ENOSF1: variants seen among roughly 807,000 people sequenced by gnomAD.
ENOSF1 encodes mitochondrial enolase superfamily member 1.
A neutral mutation model predicts 68.2 loss-of-function variants in ENOSF1; 73 were observed. The ratio of observed to expected loss-of-function variants is 1.07; its 90% CI spans 0.89 to 1.30. The LOEUF (loss-of-function observed/expected upper bound fraction) is 1.30, where lower values mean the gene tolerates loss of function less well. ENOSF1 is among the 50% of genes most tolerant of loss of function. The probability of loss-of-function intolerance (pLI) is 0.00; values close to 1 mark genes in which losing one functional copy is unlikely to be tolerated. For synonymous variants in ENOSF1, 223 were observed against 210.4 expected, an observed-to-expected ratio of 1.06 and a Z score of -0.52; for missense variants, 589 against 554.5, an observed-to-expected ratio of 1.06 and a Z score of -0.62.
In ENOSF1 at chr18:673,345, A is replaced by C; in HGVS notation, c.*960T>G. 4.3e-6 allele frequency: 1 copy of C among 231,746 alleles called. No individual in the cohort carries two copies. Among genetic ancestry groups the C allele is most frequent in the South Asian group, 1.7e-4 (1 of 5,870 alleles). 14.4% of individuals were successfully genotyped at this position (231,746 alleles called of 1,614,324 possible). On this transcript the variant is annotated 3_prime_UTR_variant, in exon 16 of 16. Transcript: ENST00000647584. ...GTGAATTTCACAAGCTATTTTTGGA[A>C]TATTTTTAGAATATTTTAAGAATTT...
downstream of ENOSF1, chr18:667,804 G>A (rs2074887488): frequency 6.6e-6 from 1 of 152,144 alleles, no homozygotes; most frequent in African/African-American, 2.4e-5. Context: ...GTGTCCGTAG[G>A]ATGTGAGGCC....
In ENOSF1 at chr18:704,440, G is replaced by GAAAAAAAAAAA. The variant is rs11429267; in HGVS notation, c.193+2019_193+2029dup. Among the ~76,000 whole-genome samples the GAAAAAAAAAAA allele has an allele frequency of 7.3e-3, 711 of 97,048 alleles. 7 individuals carry two copies. Among genetic ancestry groups the GAAAAAAAAAAA allele is most frequent in the East Asian group, 0.015 (43 of 2,890 alleles). The allele number at this position is 97,048 out of a possible 152,430, so 63.7% of individuals were successfully genotyped here. A position where few individuals can be genotyped will look rare whatever the true frequency, so the allele number is the denominator to read the frequency against. On this transcript the variant is annotated intron_variant, in intron 2 of 15. Transcript: ENST00000647584. ...AAGACTCTTGTTTCCAAAAAGAAAA[G>GAAAAAAAAAAA]AAAAAAAAAAAAAAAAAGAACAGCC...
chr18:697,351 G>A lies in ENOSF1; in HGVS notation c.198C>T (p.Val66=). The A allele has an allele frequency of 6.2e-7, 1 of 1,609,616 alleles. No homozygotes were observed. The highest frequency in any genetic ancestry group is 8.5e-7 in the Non-Finnish European group (1 of 1,177,880). The part of the protein sequence containing the change: ...FTLGKGTEVV[V]CAVNALAHHV... ...GGTGGGCGAGGGCATTCACAGCACA[G>A]ACAACTATTTAAAAAGGATTGAACT... is the stretch of plus-strand genomic sequence containing the variant. Residue 66 remains valine, a synonymous_variant, in exon 3 of 16, where the codon GTC becomes GTT. Transcript: ENST00000647584.
chr18:702,447 C>T (rs1336541189), intron 2 of ENOSF1, among the ~76,000 whole-genome samples: 1 of 151,762 alleles, frequency 6.6e-6, no homozygotes, highest in Non-Finnish European at 1.5e-5. Flanking sequence ...TGGTGGCACA[C>T]ATCTGTAGTC....
rs767333382 is a variant in ENOSF1, at chr18:671,099, A to G, written c.*3206T>C. ...ACAGGTTGTTTGTGATACAGCTTCT[A>G]TGGATTTTCTCAAAAGCTATGCTGA... On this transcript the variant is annotated 3_prime_UTR_variant, in exon 16 of 16. Transcript: ENST00000647584. The G allele has an allele frequency of 5.7e-5, 36 of 626,386 alleles. No homozygotes were observed. The highest frequency in any genetic ancestry group is 9.1e-5 in the Non-Finnish European group (33 of 364,172). 38.8% of individuals were successfully genotyped at this position (626,386 alleles called of 1,614,324 possible).
chr18:668,259 G>A (rs555895769), downstream of ENOSF1, among the ~76,000 whole-genome samples: 19 of 151,796 alleles, frequency 1.3e-4, no homozygotes, highest in South Asian at 3.3e-3. Flanking sequence ...TACCTTTTTC[G>A]GAACAGTGAC....
At chr18:686,139 C>T in intron 9 of ENOSF1, 131 bp from the exon 10 acceptor site, 1 of 688,782 alleles carries the variant, frequency 1.5e-6, no homozygotes. Context: ...CTTGCTCTTT[C>T]CTCATCTTCA....
chr18:710,871 G>A (rs2079449518), intron 1 of ENOSF1, among the ~76,000 whole-genome samples: 1 of 152,220 alleles, frequency 6.6e-6, no homozygotes, highest in Non-Finnish European at 1.5e-5. Context: ...GATTCTATAA[G>A]CCAGTAAAAT....
rs190795784 is a variant in ENOSF1 at position 677,452 on chromosome 18, G to A, written c.1049-8C>T. The A allele has an allele frequency of 6.1e-3, 9,746 of 1,610,548 alleles. 39 individuals are homozygous for A. Among genetic ancestry groups the A allele is most frequent in the Non-Finnish European group, 7.2e-3 (8,444 of 1,178,846 alleles). ...CATGGGGGCAAACAGGAACTAAAAG[G>A]AAATCGTTTCTATTTAATACCAAGA... On this transcript the variant is annotated splice_polypyrimidine_tract_variant and splice_region_variant and intron_variant, in intron 13 of 15. Coordinates refer to ENST00000647584, the MANE Select transcript of ENOSF1 (RefSeq NM_017512.7).
chr18:706,923 A>C (rs2079011871), intron 1 of ENOSF1: 1 of 151,278 alleles, frequency 6.6e-6, no homozygotes, highest in Non-Finnish European at 1.5e-5. Context: ...AGTTCAAGCG[A>C]TTCTCCTGCC....
rs545044905 is a variant in ENOSF1 at position 671,310 on chromosome 18, A to C, written c.*2995T>G. ...AAGCCTTGCGGTGTCTGCATATTCT[A>C]ATGTTTTTAAATGATGTTTTAAAGA... On this transcript the variant is annotated 3_prime_UTR_variant, in exon 16 of 16. Transcript: ENST00000647584. 9.8e-7 allele frequency: 1 copy of C among 1,023,616 alleles called. No homozygotes were observed. The highest frequency in any genetic ancestry group is 1.6e-6 in the Non-Finnish European group (1 of 644,962). 63.4% of individuals were successfully genotyped at this position (1,023,616 alleles called of 1,614,324 possible). A position where few individuals can be genotyped will look rare whatever the true frequency, so the allele number is the denominator to read the frequency against.
chr18:702,039 G>A (rs976574112), intron 2 of ENOSF1, among the ~76,000 whole-genome samples: 7 of 151,876 alleles, frequency 4.6e-5, no homozygotes, highest in East Asian at 1.9e-4. Flanking sequence ...TGAGGCAGGC[G>A]GATTGCTTGA....
the ENOSF1 span, among the ~76,000 whole-genome samples, chr18:665,033 A>C: frequency 6.6e-6 from 1 of 152,008 alleles, no homozygotes; most frequent in African/African-American, 2.4e-5. Context: ...CTGGCTTCAT[A>C]AAATGAGTTA....
intron 14 of ENOSF1, 21 bp from the exon 15 acceptor site, chr18:675,423 C>A: frequency 6.2e-7 from 1 of 1,600,910 alleles, no homozygotes; most frequent in Middle Eastern, 1.7e-4. Context: ...GGAATCAGAT[C>A]GGGGCAATGA....
chr18:666,957 AGATGGAGATGGT>A (rs1567989612), downstream of ENOSF1, among the ~76,000 whole-genome samples: 17 of 22,814 alleles, frequency 7.5e-4, 2 homozygotes, highest in Non-Finnish European at 1.0e-3. Context: ...ATGGTGATGG[AGATGGAGATGGT>A]GATGGAGATG....
At chr18:695,591 A>C (rs556856584) in intron 3 of ENOSF1, among the ~76,000 whole-genome samples, 2 of 152,210 alleles carry the variant, frequency 1.3e-5, no homozygotes, top group East Asian at 1.9e-4. Flanking sequence ...TACCTCCTTA[A>C]AAATTTTTTA....
At chr18:695,169 T>C (rs1422327682) in intron 3 of ENOSF1, among the ~76,000 whole-genome samples, 3 of 152,220 alleles carry the variant, frequency 2.0e-5, no homozygotes, top group Non-Finnish European at 4.4e-5. Context: ...CCTGGAATAA[T>C]TTTTCTTCTT....
rs776529787 is a variant in ENOSF1 at position 677,370 on chromosome 18, A to T, written c.1123T>A (p.Ser375Thr). The change falls in exon 14 of 16, where the codon TCA becomes ACA. Residue 375 changes from serine to threonine, a missense_variant. By Grantham distance (58) the Ser-to-Thr change is moderately conservative. Coordinates refer to ENST00000647584, the MANE Select transcript of ENOSF1 (RefSeq NM_017512.7). Reference sequence around the variant, plus strand: ...CTATTTTCAAGGCTTGCAGAAACTGATATGTAGTCAAATATAATCAGGTGC... The same window carrying T: ...CTATTTTCAAGGCTTGCAGAAACTGTTATGTAGTCAAATATAATCAGGTGC... The part of the protein sequence containing the change: ...VQHLIIFDYI[S>T]VSASLENRVC... The T allele has an allele frequency of 1.9e-5, 30 of 1,613,894 alleles. No homozygotes were observed. Among genetic ancestry groups the T allele is most frequent in the Non-Finnish European group, 2.5e-5 (30 of 1,179,946 alleles).
At chr18:694,042 C>A in intron 4 of ENOSF1, 134 bp from the exon 5 acceptor site, 1 of 1,075,886 alleles carries the variant, frequency 9.3e-7, no homozygotes, top group Non-Finnish European at 1.4e-6. Context: ...CTGCTGCCTG[C>A]GCCTTCCGCC....
Sources: gnomAD v4.1 joint callset for allele counts (sites outside exome capture counted in the v4.1 genomes callset) on GRCh38, gnomAD v4.1.1 for gene constraint, MANE v1.5 for transcripts, NCBI Gene and HGNC (gene_info 2026-07-23, HGNC 2026-07-21) for gene names.